The following IMMP2L variants were observed in gnomAD, a reference collection of about 807,000 sequenced individuals.
IMMP2L encodes mitochondrial inner membrane protease subunit 2.
A neutral mutation model predicts 19.3 loss-of-function variants in IMMP2L; 18 were observed. The observed-to-expected ratio is 0.93, with a 90% CI of 0.64 to 1.38. The LOEUF (loss-of-function observed/expected upper bound fraction) is 1.38, where lower values mean the gene tolerates loss of function less well. IMMP2L is among the 40% of genes most tolerant of loss of function. IMMP2L has a pLI of 0.00. For synonymous variants in IMMP2L, 76 were observed against 73.0 expected, an observed-to-expected ratio of 1.04 and a Z score of -0.21; for missense variants, 233 against 218.2, an observed-to-expected ratio of 1.07 and a Z score of -0.43.
At chr7:110,884,037 A>G (rs369072847) in intron 5 of IMMP2L, among the ~76,000 whole-genome samples, 8 of 152,194 alleles carry the variant, frequency 5.3e-5, no homozygotes, top group African/African-American at 1.7e-4. Context: ...TTAATTGAAG[A>G]GTCAATTGAA....
At chr7:111,444,878 C>A (rs917541262) in intron 3 of IMMP2L, among the ~76,000 whole-genome samples, 5 of 152,054 alleles carry the variant, frequency 3.3e-5, no homozygotes, top group African/African-American at 9.7e-5. Flanking sequence ...TTCCTACTGT[C>A]CTTCAGCATA....
Position 110,876,927 on chromosome 7 carries a change from T to C in IMMP2L, c.408+9666A>G, listed in dbSNP as rs145202574. Among the ~76,000 whole-genome samples the C allele has an allele frequency of 3.4e-3, 515 of 152,248 alleles. 2 individuals carry two copies. Among genetic ancestry groups the C allele is most frequent in the African/African-American group, 0.012 (484 of 41,552 alleles). ...CTTTCCTATTAACAGCCAGACATAATCAGTCCTAAACTAATCTTTCTAAAG... is the reference window on the plus strand; with the variant it reads ...CTTTCCTATTAACAGCCAGACATAACCAGTCCTAAACTAATCTTTCTAAAG... On this transcript the variant is annotated intron_variant, in intron 5 of 5. Transcript: ENST00000405709.
At chr7:111,432,274 G>A (rs1461013382) in intron 3 of IMMP2L, among the ~76,000 whole-genome samples, 2 of 151,582 alleles carry the variant, frequency 1.3e-5, no homozygotes, top group Admixed American at 6.6e-5. Flanking sequence ...CTGTGTTGAT[G>A]ATTGTTGTGG....
intron 5 of IMMP2L, among the ~76,000 whole-genome samples, chr7:110,724,915 C>T (rs764155599): frequency 7.9e-5 from 12 of 152,216 alleles, no homozygotes; most frequent in East Asian, 7.7e-4. Context: ...AAAACCTGCA[C>T]GACCTTGACT....
At chr7:111,081,099 T>G (rs375659350) in intron 3 of IMMP2L, among the ~76,000 whole-genome samples, 23 of 152,336 alleles carry the variant, frequency 1.5e-4, no homozygotes, top group African/African-American at 5.3e-4. Flanking sequence ...TCTTCTTTCA[T>G]GCTTTCAAAT....
intron 5 of IMMP2L, among the ~76,000 whole-genome samples, chr7:110,875,090 G>A (rs961928970): frequency 6.6e-6 from 1 of 152,064 alleles, no homozygotes; most frequent in Non-Finnish European, 1.5e-5. Context: ...ATGAATTTTG[G>A]AGGGGATTCA....
At chr7:110,746,919 A>T (rs1797383773) in intron 5 of IMMP2L, among the ~76,000 whole-genome samples, 1 of 152,224 alleles carries the variant, frequency 6.6e-6, no homozygotes. Context: ...GAACTGAAGG[A>T]GACAGAGACA....
intron 3 of IMMP2L, among the ~76,000 whole-genome samples, chr7:111,407,558 C>A (rs1297185258): frequency 6.6e-6 from 1 of 151,974 alleles, no homozygotes; most frequent in African/African-American, 2.4e-5. Flanking sequence ...ACACAAAAGA[C>A]CATTTATTGT....
intron 3 of IMMP2L, among the ~76,000 whole-genome samples, chr7:111,259,341 A>G (rs2129697946): frequency 6.6e-6 from 1 of 152,248 alleles, no homozygotes; most frequent in East Asian, 1.9e-4. Flanking sequence ...TTTTTTCTTC[A>G]ATAATAAATT....
intron 3 of IMMP2L, 43 bp from the exon 4 acceptor site, chr7:110,963,608 T>A: frequency 8.0e-7 from 1 of 1,253,230 alleles, no homozygotes; most frequent in South Asian, 1.3e-5. Context: ...TATGTCTATG[T>A]TGTTTTAGGA....
chr7:111,319,720 T>C (rs1260761082), intron 3 of IMMP2L, among the ~76,000 whole-genome samples: 1 of 152,032 alleles, frequency 6.6e-6, no homozygotes, highest in East Asian at 1.9e-4. Context: ...CCTAAGTTTT[T>C]TTAGAATGTT....
At chr7:111,340,417 G>T (rs895649592) in intron 3 of IMMP2L, among the ~76,000 whole-genome samples, 1 of 151,964 alleles carries the variant, frequency 6.6e-6, no homozygotes, top group Non-Finnish European at 1.5e-5. Flanking sequence ...ATCCTATTTA[G>T]ATTCTTTAAG....
chr7:111,385,776 T>G (rs1831683142), intron 3 of IMMP2L, among the ~76,000 whole-genome samples: 1 of 152,132 alleles, frequency 6.6e-6, no homozygotes, highest in Non-Finnish European at 1.5e-5. Context: ...GTCACTGTCT[T>G]CATCTAAGGC....
At chr7:111,492,664 T>G (rs1466464023) in intron 2 of IMMP2L, among the ~76,000 whole-genome samples, 1 of 152,168 alleles carries the variant, frequency 6.6e-6, no homozygotes, top group Non-Finnish European at 1.5e-5. Context: ...TGCCCAACTT[T>G]TCTAATTGTA....
intron 5 of IMMP2L, among the ~76,000 whole-genome samples, chr7:110,739,768 C>G (rs1796878518): frequency 6.6e-6 from 1 of 152,136 alleles, no homozygotes; most frequent in Non-Finnish European, 1.5e-5. Flanking sequence ...ACATTCTATT[C>G]ATCAGCAAAT....
intron 5 of IMMP2L, among the ~76,000 whole-genome samples, chr7:110,703,017 C>G (rs1221016057): frequency 6.6e-6 from 1 of 152,052 alleles, no homozygotes; most frequent in Non-Finnish European, 1.5e-5. Flanking sequence ...TGCTTTATAG[C>G]CATGAAGTCC....
At chr7:110,964,084 C>T (rs1426135869) in intron 3 of IMMP2L, among the ~76,000 whole-genome samples, 1 of 151,884 alleles carries the variant, frequency 6.6e-6, no homozygotes, top group South Asian at 2.1e-4. Flanking sequence ...TCTCCTGCCG[C>T]CATGAGAAGA....
At chr7:110,818,702 A>G (rs2131318934) in intron 5 of IMMP2L, among the ~76,000 whole-genome samples, 1 of 152,174 alleles carries the variant, frequency 6.6e-6, no homozygotes, top group African/African-American at 2.4e-5. Flanking sequence ...AAAGACTTGG[A>G]ACCAACCCAA....
intron 3 of IMMP2L, among the ~76,000 whole-genome samples, chr7:111,154,022 C>T (rs569078489): frequency 6.6e-5 from 10 of 152,058 alleles, no homozygotes; most frequent in African/African-American, 2.4e-4. Flanking sequence ...AAGTTTTTTA[C>T]TAACAAGGCT....
Sources: allele counts gnomAD v4.1 joint callset (sites outside exome capture counted in the v4.1 genomes callset), GRCh38; gene constraint gnomAD v4.1.1; transcripts MANE v1.5; gene names NCBI Gene and HGNC (gene_info 2026-07-23, HGNC 2026-07-21).